Variants in ANKS6 observed in about 807,000 individuals in gnomAD.
ANKS6 encodes the protein ankyrin repeat and sterile alpha motif domain containing 6, also known as ankyrin repeat and SAM domain-containing protein 6.
Under a neutral mutation model 77.9 loss-of-function variants are expected in ANKS6, and 47 were observed. The ratio of observed to expected loss-of-function variants is 0.60; its 90% CI spans 0.48 to 0.77. The LOEUF (loss-of-function observed/expected upper bound fraction) is 0.77. Ranked by LOEUF, ANKS6 falls within the 30% of genes least tolerant of loss-of-function variation. ANKS6 has a pLI of 0.00. For missense variants in ANKS6, 1,150 were observed against 1,159.1 expected (o/e 0.99, Z 0.11); for synonymous variants, 488 against 501.7 (o/e 0.97, Z 0.37).
At chr9:98,762,756 T>C (rs1833084827) in intron 11 of ANKS6, among the ~76,000 whole-genome samples, 2 of 152,178 alleles carry the variant, frequency 1.3e-5, no homozygotes, top group South Asian at 4.1e-4. Flanking sequence ...TTATACTTTG[T>C]ATTTAATCAT....
chr9:98,782,082 C>T (rs767234864), intron 5 of ANKS6, among the ~76,000 whole-genome samples: 2 of 152,212 alleles, frequency 1.3e-5, no homozygotes, highest in African/African-American at 4.8e-5. Flanking sequence ...AAGGCCATCG[C>T]TCTATCTCCC....
rs763506644 is a variant in ANKS6, at chr9:98,734,367, A to G, written c.*2152T>C. On this transcript the variant is annotated 3_prime_UTR_variant, in exon 15 of 15. Coordinates refer to ENST00000353234, the MANE Select transcript of ANKS6 (RefSeq NM_173551.5). Reference sequence around the variant, plus strand: ...CGGTGCAGCTGTGTATCATTGTTCAATCAAACTTACCTGAGTGGAAGCTAT... The same window carrying G: ...CGGTGCAGCTGTGTATCATTGTTCAGTCAAACTTACCTGAGTGGAAGCTAT... 1 of 985,360 alleles carries G rather than the reference A, an allele frequency of 1.0e-6. No homozygotes were observed. Among genetic ancestry groups the G allele is most frequent in the Non-Finnish European group, 1.2e-6 (1 of 829,980 alleles). 61.0% of individuals were successfully genotyped at this position (985,360 alleles called of 1,614,324 possible). A position where few individuals can be genotyped will look rare whatever the true frequency, so the allele number is the denominator to read the frequency against.
rs148214808 is a variant in ANKS6 at position 98,787,008 on chromosome 9, C to T, written c.863-2132G>A. 2.7e-3 allele frequency among the ~76,000 whole-genome samples: 415 copies of T among 152,318 alleles called. 2 individuals are homozygous for T. Among genetic ancestry groups the T allele is most frequent in the African/African-American group, 9.4e-3 (391 of 41,564 alleles). On this transcript the variant is annotated intron_variant, in intron 2 of 14. Transcript: ENST00000353234. Reference sequence around the variant, plus strand: ...GGAAAAGAAATCAGCTCCAACTCCACACCACAACCTCAGTGGGGAGTCAGA... The same window carrying T: ...GGAAAAGAAATCAGCTCCAACTCCATACCACAACCTCAGTGGGGAGTCAGA...
Position 98,751,096 on chromosome 9 carries a change from T to A in ANKS6, c.2327A>T (p.Asp776Val), listed in dbSNP as rs372265310. ...GSSSGTITDE[D>V]ELTGILKKLS... ...TTTCTTAAGGATTCCAGTCAGTTCA[T>A]CTTCAAGATGGAAAGGTGAAAAAAA... Residue 776 changes from aspartate to valine, a missense_variant and splice_region_variant, in exon 13 of 15, where the codon GAT (aspartate) becomes GTT (valine). Coordinates refer to ENST00000353234, the MANE Select transcript of ANKS6 (RefSeq NM_173551.5). The A allele has an allele frequency of 6.2e-7, 1 of 1,602,830 alleles. No homozygotes were observed. Among genetic ancestry groups the A allele is most frequent in the African/African-American group, 1.3e-5 (1 of 74,312 alleles).
At chr9:98,795,935 G>C (rs1055480130) in intron 1 of ANKS6, 198 bp downstream of exon 1, 36 of 536,206 alleles carry the variant, frequency 6.7e-5, no homozygotes, top group African/African-American at 6.3e-4. Context: ...AAATTTCTAA[G>C]AATCTGATTT....
At chr9:98,766,132 TATTAAC>T (rs1413847970) in intron 11 of ANKS6, among the ~76,000 whole-genome samples, 3 of 152,236 alleles carry the variant, frequency 2.0e-5, no homozygotes, top group African/African-American at 7.2e-5. Flanking sequence ...CATAACATAC[TATTAAC>T]ATTATGTTAT....
chr9:98,779,686 C>CGG (rs927608094), intron 6 of ANKS6, among the ~76,000 whole-genome samples: 2 of 151,778 alleles, frequency 1.3e-5, no homozygotes, highest in Admixed American at 6.6e-5. Flanking sequence ...TTTTTTGAGA[C>CGG]GGAGTTTCGC....
chr9:98,760,712 C>T (rs952057873), intron 11 of ANKS6, among the ~76,000 whole-genome samples: 6 of 152,306 alleles, frequency 3.9e-5, no homozygotes, highest in South Asian at 4.1e-4. Flanking sequence ...TTCAAGCAAT[C>T]GCACGTATCA....
intron 6 of ANKS6, among the ~76,000 whole-genome samples, chr9:98,779,520 A>G (rs1298686187): frequency 6.6e-6 from 1 of 151,790 alleles, no homozygotes; most frequent in Admixed American, 6.6e-5. Context: ...CTGGATTTCT[A>G]TTTTTTCCTT....
At chr9:98,739,866 C>T (rs948408310) in intron 14 of ANKS6, among the ~76,000 whole-genome samples, 3 of 143,412 alleles carry the variant, frequency 2.1e-5, no homozygotes, top group African/African-American at 7.9e-5. Flanking sequence ...CGCCATTCTC[C>T]TGCCTCAGCC....
chr9:98,770,441 G>C (rs372962357), intron 10 of ANKS6, among the ~76,000 whole-genome samples: 2 of 152,110 alleles, frequency 1.3e-5, no homozygotes, highest in Non-Finnish European at 1.5e-5. Flanking sequence ...AAAGTATGCT[G>C]CAAGCCCATA....
At chr9:98,766,107 A>G (rs1833266910) in intron 11 of ANKS6, among the ~76,000 whole-genome samples, 1 of 152,168 alleles carries the variant, frequency 6.6e-6, no homozygotes, top group Admixed American at 6.5e-5. Flanking sequence ...GAATTTTTAG[A>G]TAGCTCCTCA....
At chr9:98,754,196 A>G (rs945943203) in intron 12 of ANKS6, among the ~76,000 whole-genome samples, 8 of 152,140 alleles carry the variant, frequency 5.3e-5, no homozygotes, top group African/African-American at 1.9e-4. Flanking sequence ...TCCTGGAACA[A>G]ATGTGAGGCT....
intron 4 of ANKS6, chr9:98,783,691 C>T (rs1299691545): frequency 2.8e-6 from 1 of 351,702 alleles, no homozygotes; most frequent in East Asian, 4.4e-5. Context: ...AACCTTATCT[C>T]TCTGCATAAA....
In ANKS6 at chr9:98,737,540, C is replaced by T. The variant is rs190203141; in HGVS notation, c.2512-917G>A. Among the ~76,000 whole-genome samples, 252 of 152,084 alleles carry T rather than the reference C, an allele frequency of 1.7e-3. 1 individual carries two copies. The highest frequency in any genetic ancestry group is 5.7e-3 in the African/African-American group (235 of 41,474). On this transcript the variant is annotated intron_variant, in intron 14 of 14. Transcript: ENST00000353234. ...ATACCTAACCAAGGAGGTGAAAGAC[C>T]TCTACAAGGAAAACTAGAAAACACT... is the stretch of plus-strand genomic sequence containing the variant.
chr9:98,744,444 C>A (rs1028869731), intron 14 of ANKS6, among the ~76,000 whole-genome samples: 9 of 152,196 alleles, frequency 5.9e-5, no homozygotes, highest in Non-Finnish European at 1.3e-4. Context: ...ATGCTCCCCT[C>A]CCTAGACTGT....
chr9:98,739,508 CTGGGCCTTGGTTTCCTCA>C (rs1177501784), intron 14 of ANKS6, among the ~76,000 whole-genome samples: 2 of 152,080 alleles, frequency 1.3e-5, no homozygotes, highest in Admixed American at 1.3e-4. Flanking sequence ...CTTAATCTCC[CTGGGCCTTGGTTTCCTCA>C]TCTACAAAAG....
At chr9:98,790,846 G>T (rs887640272) in intron 1 of ANKS6, among the ~76,000 whole-genome samples, 1 of 152,210 alleles carries the variant, frequency 6.6e-6, no homozygotes, top group Non-Finnish European at 1.5e-5. Context: ...CCTTTAGGAA[G>T]AACTTTGATT....
Position 98,734,341 on chromosome 9 carries a change from C to T in ANKS6, c.*2178G>A. 1 of 985,450 alleles carries T rather than the reference C, an allele frequency of 1.0e-6. No individual in the cohort carries two copies. The highest frequency in any genetic ancestry group is 1.2e-6 in the Non-Finnish European group (1 of 829,968). 61.0% of individuals were successfully genotyped at this position (985,450 alleles called of 1,614,324 possible). The stretch of plus-strand genomic sequence containing the variant: ...TCTACATTTGTGAAAAGGTGACCCC[C>T]CGGTGCAGCTGTGTATCATTGTTCA... On this transcript the variant is annotated 3_prime_UTR_variant, in exon 15 of 15. Coordinates refer to ENST00000353234, the MANE Select transcript of ANKS6 (RefSeq NM_173551.5).
Sources: allele counts gnomAD v4.1 joint callset (sites outside exome capture counted in the v4.1 genomes callset), GRCh38; gene constraint gnomAD v4.1.1; transcripts MANE v1.5; gene names NCBI Gene and HGNC (gene_info 2026-07-23, HGNC 2026-07-21).